Variants in CRACR2B observed in about 807,000 individuals in gnomAD.
CRACR2B encodes calcium release activated channel regulator 2B, also known as EF-hand calcium-binding domain-containing protein 4A.
Under a neutral mutation model 46.0 loss-of-function variants are expected in CRACR2B, and 50 were observed. The observed-to-expected ratio is 1.09, with a 90% confidence interval of 0.87 to 1.38. The LOEUF is 1.38. Ranked by LOEUF, CRACR2B falls within the 40% of genes most tolerant of loss-of-function variation. The probability of loss-of-function intolerance (pLI) is 0.00; values close to 1 mark genes in which losing one functional copy is unlikely to be tolerated. For missense variants in CRACR2B, 667 were observed against 535.0 expected, an observed-to-expected ratio of 1.25 and a Z score of -2.43; for synonymous variants, 277 against 239.6, an observed-to-expected ratio of 1.16 and a Z score of -1.44.
rs772123229 is a variant in CRACR2B, at chr11:830,034, C to G, written c.507C>G (p.Pro169=). The stretch of plus-strand genomic sequence containing the variant: ...GGGCCAGGCTGCAGCGCGAGCGCCC[C>G]GAGCTGCTGGGCTCTTTCGAGGATG... The part of the protein sequence containing the change: ...TLWARLQRER[P]ELLGSFEDVL... Residue 169 remains proline (P), a synonymous_variant, in exon 4 of 9, where the codon CCC becomes CCG. Transcript: ENST00000525077. The G allele has an allele frequency of 7.0e-6, 11 of 1,568,944 alleles. No individual in the cohort carries two copies. Among genetic ancestry groups the G allele is most frequent in the Non-Finnish European group, 9.5e-6 (11 of 1,163,268 alleles).
rs1334965587 is a variant in CRACR2B at position 831,560 on chromosome 11, G to A, written c.1051G>A (p.Asp351Asn). 3 of 1,599,408 alleles carry A rather than the reference G, an allele frequency of 1.9e-6. No homozygotes were observed. Among genetic ancestry groups the A allele is most frequent in the Non-Finnish European group, 1.7e-6 (2 of 1,174,610 alleles). The change falls in exon 9 of 9, where the codon GAC (aspartate) becomes AAC (asparagine). Residue 351 changes from aspartate (D) to asparagine (N), a missense_variant. Asp to Asn is a conservative substitution (Grantham distance 23). Coordinates refer to ENST00000525077, the MANE Select transcript of CRACR2B (RefSeq NM_001286606.2). ...GGAGCTGAATACACGGCTGCGGGAT[G>A]ACAGGGACGCCTGCGAGGCCAGGCG... Reference protein sequence around the residue: ...LRELNTRLRDDRDACEARRAG... With the variant: ...LRELNTRLRDNRDACEARRAG...
Position 828,765 on chromosome 11 carries a change from A to G in CRACR2B, c.158A>G (p.Asp53Gly). ...KEAKGFITKH[D>G]LQGLQSDLPL... ...GCTAAGGGCTTCATCACCAAGCACGACCTGCAGGTGAGTCCCCCACCCCAA... is the reference window on the plus strand; with the variant it reads ...GCTAAGGGCTTCATCACCAAGCACGGCCTGCAGGTGAGTCCCCCACCCCAA... Residue 53 changes from aspartate to glycine, a missense_variant, in exon 1 of 9, where the codon GAC (aspartate) becomes GGC (glycine). Asp to Gly is a moderately conservative substitution (Grantham distance 94, BLOSUM62 -1). Transcript: ENST00000525077. The G allele has an allele frequency of 6.2e-7, 1 of 1,613,418 alleles. No homozygotes were observed. The highest frequency in any genetic ancestry group is 8.5e-7 in the Non-Finnish European group (1 of 1,179,880).
chr11:829,243 A>G (rs1204748803), intron 2 of CRACR2B, 117 bp from the exon 3 acceptor site: 159 of 1,475,018 alleles, frequency 1.1e-4, no homozygotes, highest in Non-Finnish European at 1.4e-4. Context: ...CAGAATAAGG[A>G]AGGAAAACAG....
In CRACR2B at chr11:831,540, T is replaced by G. The variant is rs1378632395; in HGVS notation, c.1031T>G (p.Leu344Arg). The G allele has an allele frequency of 1.3e-6, 2 of 1,591,788 alleles. No homozygotes were observed. Among genetic ancestry groups the G allele is most frequent in the Admixed American group, 3.7e-5 (2 of 54,316 alleles). The change falls in exon 9 of 9, where the codon CTG becomes CGG. Residue 344 changes from leucine to arginine, a missense_variant. Transcript: ENST00000525077. ...LLRQLELLRELNTRLRDDRDA... is the reference protein window; with the variant it reads ...LLRQLELLRERNTRLRDDRDA... The stretch of plus-strand genomic sequence containing the variant: ...TCGGACTCCTCCTTCCCTAGGGAGC[T>G]GAATACACGGCTGCGGGATGACAGG...
chr11:830,813 A>C lies in CRACR2B; in HGVS notation c.787-53A>C. ...GTCGGGAGCCTGGGGCACGCGCAGC[A>C]CCCCGGGGAAGAGGGGGCGTTCCTC... On this transcript the variant is annotated intron_variant, in intron 6 of 8. Transcript: ENST00000525077. The C allele has an allele frequency of 6.7e-6, 10 of 1,486,696 alleles. No individual in the cohort carries two copies. In the South Asian group the frequency reaches 1.3e-4, roughly 19 times the overall value. 92.1% of individuals were successfully genotyped at this position (1,486,696 alleles called of 1,614,324 possible). A position where few individuals can be genotyped will look rare whatever the true frequency, so the allele number is the denominator to read the frequency against.
rs1356925490 is a variant in CRACR2B, at chr11:831,673, C to G, written c.1164C>G (p.Pro388=). ...GCTGCTGTTGCTGGGCTCGGCCCCC[C>G]AGACGCGGCTCTGGCCACCTTCCCA... is the stretch of plus-strand genomic sequence containing the variant. The part of the protein sequence containing the change: ...CCCCCCWARP[P]RRGSGHLPSA... Residue 388 remains proline, a synonymous_variant, in exon 9 of 9, where the codon CCC becomes CCG. Coordinates refer to ENST00000525077, the MANE Select transcript of CRACR2B (RefSeq NM_001286606.2). 6 of 1,529,412 alleles carry G rather than the reference C, an allele frequency of 3.9e-6. No individual in the cohort carries two copies. Among genetic ancestry groups the G allele is most frequent in the Non-Finnish European group, 8.7e-7 (1 of 1,144,822 alleles). 94.7% of individuals were successfully genotyped at this position (1,529,412 alleles called of 1,614,324 possible). A position where few individuals can be genotyped will look rare whatever the true frequency, so the allele number is the denominator to read the frequency against.
At chr11:830,475 C>A (rs1420416945) in intron 5 of CRACR2B, 138 bp downstream of exon 5, 2 of 1,536,846 alleles carry the variant, frequency 1.3e-6, no homozygotes, top group South Asian at 2.4e-5. Context: ...GAGGAGATCC[C>A]ACTGGGCCTC....
At position 830,034 on chromosome 11, in the gene CRACR2B, C is replaced by A; in HGVS notation, c.507C>A (p.Pro169=). 1 of 1,569,062 alleles carries A rather than the reference C, an allele frequency of 6.4e-7. No homozygotes were observed. The highest frequency in any genetic ancestry group is 8.6e-7 in the Non-Finnish European group (1 of 1,163,260). The change falls in exon 4 of 9, where the codon CCC becomes CCA. Residue 169 remains proline, a synonymous_variant. Coordinates refer to ENST00000525077, the MANE Select transcript of CRACR2B (RefSeq NM_001286606.2). Reference sequence around the variant, plus strand: ...GGGCCAGGCTGCAGCGCGAGCGCCCCGAGCTGCTGGGCTCTTTCGAGGATG... The same window carrying A: ...GGGCCAGGCTGCAGCGCGAGCGCCCAGAGCTGCTGGGCTCTTTCGAGGATG... The part of the protein sequence containing the change: ...TLWARLQRER[P]ELLGSFEDVL...
chr11:826,567 G>A (rs1221063858), upstream of CRACR2B, among the ~76,000 whole-genome samples: 1 of 152,214 alleles, frequency 6.6e-6, no homozygotes, highest in African/African-American at 2.4e-5. Flanking sequence ...TTTCGTTCTT[G>A]TTGCCCAGTG....
At position 830,922 on chromosome 11, in the gene CRACR2B, C is replaced by A; in HGVS notation, c.843C>A (p.Asn281Lys). Residue 281 changes from asparagine (N) to lysine (K), a missense_variant, in exon 7 of 9, where the codon AAC (asparagine) becomes AAA (lysine). Transcript: ENST00000525077. ...AGCACCTGGAGGCACAGGCCCAGAA[C>A]TCCCAGCTGTGGCGGGCGCACGAGG... ...AAEHLEAQAQ[N>K]SQLWRAHEAL... 5 of 1,533,138 alleles carry A rather than the reference C, an allele frequency of 3.3e-6. No homozygotes were observed. Among genetic ancestry groups the A allele is most frequent in the Non-Finnish European group, 4.4e-6 (5 of 1,146,296 alleles). 95.0% of individuals were successfully genotyped at this position (1,533,138 alleles called of 1,614,324 possible).
At chr11:831,159 TC>T in intron 7 of CRACR2B, 64 bp from the exon 8 acceptor site, 2 of 1,608,442 alleles carry the variant, frequency 1.2e-6, no homozygotes, top group Non-Finnish European at 1.7e-6. Flanking sequence ...AGGAGGATCT[TC>T]TAGGGGGTCC....
Position 830,286 on chromosome 11 carries a change from G to A in CRACR2B, c.642G>A (p.Leu214=). The change falls in exon 5 of 9, where the codon CTG becomes CTA. Residue 214 remains leucine, a synonymous_variant. Transcript: ENST00000525077. ...ESEHEREVRA[L]YEETEQLREQ... is the part of the protein sequence containing the mutation. ...AGCACGAGAGGGAGGTGCGCGCTCT[G>A]TACGAGGAGACGGAGCAGCTTCGGG... 1 of 1,532,804 alleles carries A rather than the reference G, an allele frequency of 6.5e-7. No individual in the cohort carries two copies. Among genetic ancestry groups the A allele is most frequent in the East Asian group, 2.5e-5 (1 of 40,756 alleles). 95.0% of individuals were successfully genotyped at this position (1,532,804 alleles called of 1,614,324 possible). A position where few individuals can be genotyped will look rare whatever the true frequency, so the allele number is the denominator to read the frequency against.
In CRACR2B at chr11:831,227, C is replaced by T. The variant is rs753270877; in HGVS notation, c.957C>T (p.Asp319=). The change falls in exon 8 of 9, where the codon GAC becomes GAT. Residue 319 remains aspartate, a synonymous_variant. Transcript: ENST00000525077. ...ARGRQEQTQR[D]VVAVSRNMQK... is the part of the protein sequence containing the mutation. ...GGTCACCACCTCCCATCCACAGAGA[C>T]GTGGTCGCCGTCTCCAGGAACATGC... The T allele has an allele frequency of 5.6e-6, 9 of 1,610,034 alleles. No individual in the cohort carries two copies. Among genetic ancestry groups the T allele is most frequent in the Non-Finnish European group, 3.4e-6 (4 of 1,179,250 alleles).
rs1008116037 is a variant in CRACR2B at position 831,778 on chromosome 11, G to A, written c.*69G>A. 1.3e-5 allele frequency: 19 copies of A among 1,446,076 alleles called. No individual in the cohort carries two copies. The African/African-American group carries it at 2.5e-4, about 19-fold the overall frequency. 89.6% of individuals were successfully genotyped at this position (1,446,076 alleles called of 1,614,324 possible). A position where few individuals can be genotyped will look rare whatever the true frequency, so the allele number is the denominator to read the frequency against. ...TGCAGGAGGCTTGTCATGGGTCGGG[G>A]GTGCCCACTCAGGATGCAGGCTCTC... On this transcript the variant is annotated 3_prime_UTR_variant, in exon 9 of 9. Transcript: ENST00000525077.
upstream of CRACR2B, chr11:827,557 C>T (rs932861385): frequency 3.0e-6 from 3 of 985,000 alleles, no homozygotes; most frequent in African/African-American, 1.7e-5. Flanking sequence ...GCCCTGCTGC[C>T]GCGCGGCTTC....
intron 3 of CRACR2B, 102 bp downstream of exon 3, chr11:829,642 TAGGCCGGGTCAGGCCCAGCC>T: frequency 1.0e-5 from 13 of 1,299,316 alleles, no homozygotes; most frequent in Non-Finnish European, 1.3e-5. Flanking sequence ...ACAGGGTCTC[TAGGCCGGGTCAGGCCCAGCC>T]TAGCGTCAGC....
At position 830,670 on chromosome 11, in the gene CRACR2B, G is replaced by A; in HGVS notation, c.743G>A (p.Ser248Asn). 6.5e-7 allele frequency: 1 copy of A among 1,546,334 alleles called. No homozygotes were observed. The highest frequency in any genetic ancestry group is 8.7e-7 in the Non-Finnish European group (1 of 1,145,862). ...RRSRLELELQ[S>N]REQDLERAGL... is the part of the protein sequence containing the mutation. ...AGCCGTCTGGAGCTGGAGCTGCAGA[G>A]CCGCGAGCAGGACCTGGAACGCGCG... is the stretch of plus-strand genomic sequence containing the variant. The change falls in exon 6 of 9, where the codon AGC becomes AAC. Residue 248 changes from serine to asparagine, a missense_variant. By Grantham distance (46) the Ser-to-Asn change is conservative. Coordinates refer to ENST00000525077, the MANE Select transcript of CRACR2B (RefSeq NM_001286606.2).
Position 831,659 on chromosome 11 carries a change from T to C in CRACR2B, c.1150T>C (p.Trp384Arg), listed in dbSNP as rs1425655440. The change falls in exon 9 of 9, where the codon TGG becomes CGG. Residue 384 changes from tryptophan to arginine, a missense_variant. Trp to Arg is a moderately radical substitution (Grantham distance 101). Coordinates refer to ENST00000525077, the MANE Select transcript of CRACR2B (RefSeq NM_001286606.2). Reference protein sequence around the residue: ...PGPTCCCCCCWARPPRRGSGH... With the variant: ...PGPTCCCCCCRARPPRRGSGH... Reference sequence around the variant, plus strand: ...GCCCACCTGCTGCTGCTGCTGTTGCTGGGCTCGGCCCCCCAGACGCGGCTC... The same window carrying C: ...GCCCACCTGCTGCTGCTGCTGTTGCCGGGCTCGGCCCCCCAGACGCGGCTC... 1.3e-6 allele frequency: 2 copies of C among 1,541,848 alleles called. No individual in the cohort carries two copies. The highest frequency in any genetic ancestry group is 8.7e-7 in the Non-Finnish European group (1 of 1,150,062).
intron 2 of CRACR2B, 131 bp downstream of exon 2, chr11:829,094 C>A (rs764560162): frequency 4.5e-6 from 6 of 1,341,992 alleles, no homozygotes; most frequent in Non-Finnish European, 6.2e-6. Flanking sequence ...GCTTTGTCTG[C>A]ACGCACTCGC....
Sources: gnomAD v4.1 joint callset for allele counts (sites outside exome capture counted in the v4.1 genomes callset) on GRCh38, gnomAD v4.1.1 for gene constraint, MANE v1.5 for transcripts, NCBI Gene and HGNC (gene_info 2026-07-23, HGNC 2026-07-21) for gene names.